The following SPRING1 variants were observed in gnomAD, a reference collection of about 807,000 sequenced individuals.
SPRING1 encodes the protein SREBF pathway regulator in golgi 1.
Under a neutral mutation model 24.7 loss-of-function variants are expected in SPRING1, and 14 were observed. The observed-to-expected ratio is 0.57, with a 90% CI of 0.37 to 0.88. SPRING1 has a LOEUF of 0.88. SPRING1 is among the 40% of genes least tolerant of loss of function. SPRING1 has a pLI of 0.00. For missense variants in SPRING1, 255 were observed against 268.4 expected (o/e 0.95, Z 0.35); for synonymous variants, 93 against 106.1 (o/e 0.88, Z 0.76).
intron 1 of SPRING1, among the ~76,000 whole-genome samples, chr12:116,732,255 T>C (rs1871010762): frequency 6.6e-6 from 1 of 152,176 alleles, no homozygotes; most frequent in Non-Finnish European, 1.5e-5. Context: ...AGGATTTATA[T>C]AAAATCTCAT....
chr12:116,718,889 C>G (rs551453663), intron 4 of SPRING1, among the ~76,000 whole-genome samples: 1 of 152,248 alleles, frequency 6.6e-6, no homozygotes, highest in East Asian at 1.9e-4. Context: ...CATTATAATC[C>G]CTGAAACATT....
intron 1 of SPRING1, among the ~76,000 whole-genome samples, chr12:116,736,326 C>T (rs1871217685): frequency 6.6e-6 from 1 of 152,130 alleles, no homozygotes; most frequent in African/African-American, 2.4e-5. Context: ...GGTCACAAGA[C>T]AGAGAAGGGA....
At chr12:116,729,077 T>C (rs1401608112) in intron 1 of SPRING1, among the ~76,000 whole-genome samples, 2 of 152,230 alleles carry the variant, frequency 1.3e-5, no homozygotes, top group Non-Finnish European at 2.9e-5. Flanking sequence ...ATGAGTTTTT[T>C]GTGAAAAAAC....
chr12:116,735,792 C>A (rs1378220245), intron 1 of SPRING1, among the ~76,000 whole-genome samples: 1 of 151,702 alleles, frequency 6.6e-6, no homozygotes, highest in African/African-American at 2.4e-5. Context: ...GTAATCCCAG[C>A]ACTTTGGGAG....
Position 116,726,245 on chromosome 12 carries a change from C to T in SPRING1, c.112-3022G>A, listed in dbSNP as rs531867526. On this transcript the variant is annotated intron_variant, in intron 1 of 4. Coordinates refer to ENST00000261318, the MANE Select transcript of SPRING1 (RefSeq NM_024738.4). Reference sequence around the variant, plus strand: ...CAGGTTTTTGTTATCATAGATAATACTGCAATAAAATGTGGAGCTTTTAAA... The same window carrying T: ...CAGGTTTTTGTTATCATAGATAATATTGCAATAAAATGTGGAGCTTTTAAA... 5.3e-5 allele frequency among the ~76,000 whole-genome samples: 8 copies of T among 152,286 alleles called. No homozygotes were observed. In the South Asian group the frequency reaches 8.3e-4, roughly 16 times the overall value.
intron 1 of SPRING1, among the ~76,000 whole-genome samples, chr12:116,733,027 C>T (rs1055775510): frequency 6.6e-6 from 1 of 152,140 alleles, no homozygotes; most frequent in African/African-American, 2.4e-5. Context: ...GGGAAATATA[C>T]AGCACAGTAA....
In SPRING1 at chr12:116,710,637, T is replaced by C. The variant is rs1406375743; in HGVS notation, c.*7173A>G. ...TCCCAGCAGAGAAGGATATGGTGTC[T>C]CTTTAAAACTGGAGGAGGAAGAGGC... On this transcript the variant is annotated 3_prime_UTR_variant, in exon 5 of 5. Coordinates refer to ENST00000261318, the MANE Select transcript of SPRING1 (RefSeq NM_024738.4). 6.6e-6 allele frequency: 1 copy of C among 152,176 alleles called. No individual in the cohort carries two copies. Among genetic ancestry groups the C allele is most frequent in the Non-Finnish European group, 1.5e-5 (1 of 68,058 alleles). 9.4% of individuals were successfully genotyped at this position (152,176 alleles called of 1,614,324 possible). A position where few individuals can be genotyped will look rare whatever the true frequency, so the allele number is the denominator to read the frequency against.
intron 1 of SPRING1, among the ~76,000 whole-genome samples, chr12:116,732,540 T>C (rs1871027532): frequency 6.6e-6 from 1 of 152,142 alleles, no homozygotes; most frequent in South Asian, 2.1e-4. Flanking sequence ...AAACCCCGTC[T>C]CTACTAAAAA....
Position 116,717,522 on chromosome 12 carries a change from A to AGGTCCCTGTGCAG in SPRING1, c.*287_*288insCTGCACAGGGACC. The AGGTCCCTGTGCAG allele has an allele frequency of 3.2e-6, 1 of 317,042 alleles. No homozygotes were observed. The highest frequency in any genetic ancestry group is 6.3e-5 in the East Asian group (1 of 15,838). The allele number at this position is 317,042 out of a possible 1,614,324, so 19.6% of individuals were successfully genotyped here. ...GGTCCCTGTGCAGGTCCCAGGGCTG[A>AGGTCCCTGTGCAG]GTCATCCAAGAACTCCACCACCACC... On this transcript the variant is annotated 3_prime_UTR_variant, in exon 5 of 5. Coordinates refer to ENST00000261318, the MANE Select transcript of SPRING1 (RefSeq NM_024738.4). This position sits in a 1 kb window ranked among gnomAD's most constrained non-coding sequence, Gnocchi z 4.2.
intron 4 of SPRING1, among the ~76,000 whole-genome samples, chr12:116,718,970 CTACAGAAATCTGGCAAAGGG>C (rs1200297447): frequency 1.3e-5 from 2 of 152,218 alleles, no homozygotes; most frequent in Admixed American, 1.3e-4. Flanking sequence ...CAAAGGTGGA[CTACAGAAATCTGGCAAAGGG>C]TACAAGAGCT....
chr12:116,719,148 T>C (rs556676538), intron 4 of SPRING1, among the ~76,000 whole-genome samples: 19 of 152,142 alleles, frequency 1.2e-4, no homozygotes, highest in Non-Finnish European at 2.8e-4. Context: ...CCAACCACAA[T>C]AGCTGAGAGC....
chr12:116,725,810 C>A (rs968193034), intron 1 of SPRING1, among the ~76,000 whole-genome samples: 1 of 151,568 alleles, frequency 6.6e-6, no homozygotes, highest in Admixed American at 6.6e-5. Flanking sequence ...GGCATGAACC[C>A]GGGAGGCGGA....
chr12:116,718,280 C>G (rs1489493204), intron 4 of SPRING1, among the ~76,000 whole-genome samples: 1 of 152,168 alleles, frequency 6.6e-6, no homozygotes, highest in Admixed American at 6.5e-5. Flanking sequence ...CGTAAGGAAC[C>G]CTGCAGAGAC....
rs1235541409 is a variant in SPRING1 at position 116,715,338 on chromosome 12, G to A, written c.*2472C>T. 6.6e-6 allele frequency: 1 copy of A among 152,166 alleles called. No homozygotes were observed. The highest frequency in any genetic ancestry group is 1.5e-5 in the Non-Finnish European group (1 of 68,080). 9.4% of individuals were successfully genotyped at this position (152,166 alleles called of 1,614,324 possible). Reference sequence around the variant, plus strand: ...CTCTGGGCAAACAAAACTTAGACAAGGTCCCTGATTCTAGAAACCCTCGGT... The same window carrying A: ...CTCTGGGCAAACAAAACTTAGACAAAGTCCCTGATTCTAGAAACCCTCGGT... On this transcript the variant is annotated 3_prime_UTR_variant, in exon 5 of 5. Coordinates refer to ENST00000261318, the MANE Select transcript of SPRING1 (RefSeq NM_024738.4).
rs558469330 is a variant in SPRING1, at chr12:116,737,983, G to C, written c.-83C>G. ...CGGGCGGCATGGCCCCTACGCGCCC[G>C]GCAGCCCCATCCCTCCAGGCAGGCG... On this transcript the variant is annotated 5_prime_UTR_variant, in exon 1 of 5. Transcript: ENST00000261318. 98 of 1,202,180 alleles carry C rather than the reference G, an allele frequency of 8.2e-5. 1 individual carries two copies. In the African/African-American group the frequency reaches 1.4e-3, roughly 18 times the overall value. The allele number at this position is 1,202,180 out of a possible 1,614,324, so 74.5% of individuals were successfully genotyped here.
In SPRING1 at chr12:116,737,824, G is replaced by C. The variant is rs1035544201; in HGVS notation, c.77C>G (p.Ser26Trp). 6.3e-7 allele frequency: 1 copy of C among 1,595,984 alleles called. No homozygotes were observed. The highest frequency in any genetic ancestry group is 8.5e-7 in the Non-Finnish European group (1 of 1,171,274). The stretch of plus-strand genomic sequence containing the variant: ...GGTGCTGCTGAGGAAGTAGACGAGC[G>C]ACAGCCCGAAGACCAGGGCGAGCAC... The part of the protein sequence containing the change: ...RWVLALVFGL[S>W]LVYFLSSTFK... The change falls in exon 1 of 5, where the codon TCG (serine) becomes TGG (tryptophan). Residue 26 changes from serine (S) to tryptophan (W), a missense_variant. Transcript: ENST00000261318.
At chr12:116,732,326 A>G (rs1871014245) in intron 1 of SPRING1, among the ~76,000 whole-genome samples, 1 of 152,232 alleles carries the variant, frequency 6.6e-6, no homozygotes, top group Non-Finnish European at 1.5e-5. Flanking sequence ...CTGTAATCCC[A>G]GCACTTTGGG....
chr12:116,734,313 T>C (rs936709659), intron 1 of SPRING1, among the ~76,000 whole-genome samples: 1 of 152,182 alleles, frequency 6.6e-6, no homozygotes, highest in African/African-American at 2.4e-5. Flanking sequence ...GCTTAGAGCC[T>C]AGGAGGAATA....
At chr12:116,719,082 T>C (rs752095508) in intron 4 of SPRING1, among the ~76,000 whole-genome samples, 11 of 152,166 alleles carry the variant, frequency 7.2e-5, no homozygotes, top group Non-Finnish European at 1.6e-4. Flanking sequence ...CCAGAAGAAG[T>C]GTGCTTGTAT....
Sources: allele counts gnomAD v4.1 joint callset (sites outside exome capture counted in the v4.1 genomes callset), GRCh38; gene constraint gnomAD v4.1.1; non-coding constraint Gnocchi (gnomAD v3.1); transcripts MANE v1.5; gene names NCBI Gene and HGNC (gene_info 2026-07-23, HGNC 2026-07-21).